Variants in KCNH5 observed in about 807,000 individuals in gnomAD.
The protein encoded by KCNH5 is potassium voltage-gated channel subfamily H member 5, also known as voltage-gated delayed rectifier potassium channel KCNH5.
Under a neutral mutation model 96.1 loss-of-function variants are expected in KCNH5, and 46 were observed. That is an observed-to-expected ratio of 0.48 (90% confidence interval 0.38 to 0.61). The LOEUF (loss-of-function observed/expected upper bound fraction) is 0.61. Among genes scored for constraint, KCNH5 ranks in the 20% least tolerant of loss-of-function variants. The probability of loss-of-function intolerance (pLI) is 0.00; values close to 1 mark genes in which losing one functional copy is unlikely to be tolerated. For synonymous variants in KCNH5, 439 were observed against 449.8 expected, an observed-to-expected ratio of 0.98 and a Z score of 0.30; for missense variants, 907 against 1,225.8, an observed-to-expected ratio of 0.74 and a Z score of 3.88.
intron 6 of KCNH5, among the ~76,000 whole-genome samples, chr14:62,962,059 A>C (rs1255500): frequency 0.41 from 61,400 of 150,842 alleles, 12,916 homozygotes; most frequent in African/African-American, 0.48. Context: ...AGATGGAGAG[A>C]AGATAGAGAT....
intron 1 of KCNH5, among the ~76,000 whole-genome samples, chr14:63,037,184 G>A (rs1308211238): frequency 6.6e-6 from 1 of 152,054 alleles, no homozygotes; most frequent in Non-Finnish European, 1.5e-5. Flanking sequence ...CCATAAACTA[G>A]GTACTATTAT....
chr14:63,017,061 G>T, intron 1 of KCNH5, 107 bp from the exon 2 acceptor site: 1 of 1,074,526 alleles, frequency 9.3e-7, no homozygotes, highest in Non-Finnish European at 1.3e-6. Context: ...ATACAACTAT[G>T]GTTTGTAATT....
At chr14:62,895,231 A>G (rs1296837315) in intron 7 of KCNH5, among the ~76,000 whole-genome samples, 1 of 152,178 alleles carries the variant, frequency 6.6e-6, no homozygotes, top group African/African-American at 2.4e-5. Context: ...CTAGGAAATT[A>G]TAGAAAGATT....
intron 9 of KCNH5, among the ~76,000 whole-genome samples, chr14:62,788,128 T>C (rs1282636011): frequency 1.3e-5 from 2 of 152,220 alleles, no homozygotes; most frequent in Non-Finnish European, 2.9e-5. Flanking sequence ...TTCAGAATTC[T>C]AGATGCCATT....
At chr14:63,011,002 T>C (rs1283636829) in intron 2 of KCNH5, among the ~76,000 whole-genome samples, 1 of 152,122 alleles carries the variant, frequency 6.6e-6, no homozygotes, top group Non-Finnish European at 1.5e-5. Context: ...GATTAGCAAA[T>C]CCTTCGTCAA....
intron 10 of KCNH5, among the ~76,000 whole-genome samples, chr14:62,728,634 C>G (rs1884986221): frequency 1.3e-5 from 2 of 152,134 alleles, no homozygotes; most frequent in Admixed American, 6.5e-5. Flanking sequence ...GATTGACATT[C>G]AAATCGTCAT....
chr14:62,970,247 A>G (rs1287416579), intron 6 of KCNH5, among the ~76,000 whole-genome samples: 1 of 152,036 alleles, frequency 6.6e-6, no homozygotes, highest in Non-Finnish European at 1.5e-5. Flanking sequence ...ATAATGAAAT[A>G]AATCAAATCC....
At chr14:62,782,435 A>T (rs1192313272) in intron 9 of KCNH5, among the ~76,000 whole-genome samples, 2 of 152,198 alleles carry the variant, frequency 1.3e-5, no homozygotes, top group Non-Finnish European at 2.9e-5. Flanking sequence ...GGACCCTCCA[A>T]AAATTCCTTT....
chr14:62,897,831 C>T (rs1298290675), intron 7 of KCNH5, among the ~76,000 whole-genome samples: 3 of 152,128 alleles, frequency 2.0e-5, no homozygotes, highest in Non-Finnish European at 4.4e-5. Context: ...TTCCACCCAC[C>T]ACTTCCCACA....
At chr14:62,972,370 G>A (rs1429253878) in intron 6 of KCNH5, among the ~76,000 whole-genome samples, 2 of 152,172 alleles carry the variant, frequency 1.3e-5, no homozygotes, top group Admixed American at 6.5e-5. Flanking sequence ...CAAGGATGTG[G>A]AACAACAGAA....
Position 62,850,385 on chromosome 14 carries a change from T to C in KCNH5, c.1370-533A>G, listed in dbSNP as rs76711343. On this transcript the variant is annotated intron_variant, in intron 7 of 10. Transcript: ENST00000322893. ...TTTAGGGAGTGGAGACAAATTAATG[T>C]GCTTCATGTTTAGAAGGTTCTGAAG... Among the ~76,000 whole-genome samples the C allele has an allele frequency of 6.8e-3, 1,034 of 152,330 alleles. 15 individuals carry two copies. Among genetic ancestry groups the C allele is most frequent in the African/African-American group, 0.023 (974 of 41,594 alleles).
intron 10 of KCNH5, among the ~76,000 whole-genome samples, chr14:62,775,906 T>G (rs1886085509): frequency 6.6e-6 from 1 of 152,188 alleles, no homozygotes; most frequent in African/African-American, 2.4e-5. Flanking sequence ...ATCCATCTGT[T>G]GAAGCTCTTA....
At chr14:62,871,152 A>G (rs1020660423) in intron 7 of KCNH5, among the ~76,000 whole-genome samples, 4 of 152,216 alleles carry the variant, frequency 2.6e-5, no homozygotes, top group African/African-American at 4.8e-5. Flanking sequence ...GTATTATTCA[A>G]TATTGATTAT....
intron 6 of KCNH5, among the ~76,000 whole-genome samples, chr14:62,958,575 CT>C (rs1201867442): frequency 6.6e-6 from 1 of 152,162 alleles, no homozygotes; most frequent in Non-Finnish European, 1.5e-5. Flanking sequence ...GTAGTTTATC[CT>C]TACTGAACCT....
At chr14:62,901,871 T>C (rs1888932665) in intron 7 of KCNH5, among the ~76,000 whole-genome samples, 1 of 152,242 alleles carries the variant, frequency 6.6e-6, no homozygotes, top group African/African-American at 2.4e-5. Context: ...CTCTTTTCTC[T>C]GCAACCTCAC....
intron 8 of KCNH5, among the ~76,000 whole-genome samples, chr14:62,834,303 TC>T (rs1358472886): frequency 6.6e-6 from 1 of 151,994 alleles, no homozygotes; most frequent in African/African-American, 2.4e-5. Flanking sequence ...TATTAATGGC[TC>T]CAAATTTATG....
intron 7 of KCNH5, among the ~76,000 whole-genome samples, chr14:62,859,727 A>G (rs1441115294): frequency 1.3e-5 from 2 of 152,312 alleles, no homozygotes; most frequent in South Asian, 2.1e-4. Flanking sequence ...CCCACTGGGA[A>G]GACTTCCCTT....
At chr14:62,934,036 G>A (rs1347156748) in intron 7 of KCNH5, among the ~76,000 whole-genome samples, 1 of 152,012 alleles carries the variant, frequency 6.6e-6, no homozygotes, top group East Asian at 1.9e-4. Context: ...AAATTACGCA[G>A]CACAGAAAGG....
At chr14:62,784,941 C>G (rs1886290536) in intron 9 of KCNH5, among the ~76,000 whole-genome samples, 1 of 152,042 alleles carries the variant, frequency 6.6e-6, no homozygotes, top group Non-Finnish European at 1.5e-5. Context: ...TTTCCTGCTC[C>G]TCTCCCAAAA....
Sources: allele counts gnomAD v4.1 joint callset (sites outside exome capture counted in the v4.1 genomes callset), GRCh38; gene constraint gnomAD v4.1.1; transcripts MANE v1.5; gene names NCBI Gene and HGNC (gene_info 2026-07-23, HGNC 2026-07-21).